The following HS6ST3 variants were observed in gnomAD, a reference collection of about 807,000 sequenced individuals.
HS6ST3 encodes the protein heparan-sulfate 6-O-sulfotransferase 3.
HS6ST3 carries 12 observed loss-of-function variants against 36.7 expected under a neutral mutation model. The observed-to-expected ratio is 0.33, with a 90% CI of 0.21 to 0.53. The LOEUF is 0.53. Among genes scored for constraint, HS6ST3 ranks in the 20% least tolerant of loss-of-function variants. HS6ST3 has a pLI of 0.95. For synonymous variants in HS6ST3, 240 were observed against 257.5 expected, an observed-to-expected ratio of 0.93 and a Z score of 0.65; for missense variants, 584 against 640.9, an observed-to-expected ratio of 0.91 and a Z score of 0.96.
chr13:96,126,653 C>T (rs2139309227), intron 1 of HS6ST3, among the ~76,000 whole-genome samples: 1 of 152,270 alleles, frequency 6.6e-6, no homozygotes, highest in East Asian at 1.9e-4. Flanking sequence ...TATTTGGGAA[C>T]AGGATGTTGG....
intron 1 of HS6ST3, among the ~76,000 whole-genome samples, chr13:96,269,525 T>C (rs1478173694): frequency 6.6e-6 from 1 of 151,960 alleles, no homozygotes. Context: ...AAACGTGCAC[T>C]TCTGCCTGTT....
intron 1 of HS6ST3, among the ~76,000 whole-genome samples, chr13:96,270,675 C>A (rs937644780): frequency 2.0e-5 from 3 of 151,736 alleles, no homozygotes; most frequent in Non-Finnish European, 1.5e-5. Context: ...TGGTCCCTGT[C>A]CTCAACAAAA....
intron 1 of HS6ST3, among the ~76,000 whole-genome samples, chr13:96,600,359 C>CACACATAT (rs1491444389): frequency 1.9e-3 from 230 of 120,302 alleles, no homozygotes; most frequent in African/African-American, 6.5e-3. Context: ...CACACACACA[C>CACACATAT]ATATATATAT....
At chr13:96,762,311 C>T (rs948740605) in intron 1 of HS6ST3, among the ~76,000 whole-genome samples, 1 of 152,074 alleles carries the variant, frequency 6.6e-6, no homozygotes, top group African/African-American at 2.4e-5. Flanking sequence ...AACCCCATCT[C>T]TACTAAAAAT....
chr13:96,689,852 C>T (rs1404359187), intron 1 of HS6ST3, among the ~76,000 whole-genome samples: 1 of 151,390 alleles, frequency 6.6e-6, no homozygotes, highest in Admixed American at 6.6e-5. Context: ...TTATACTATG[C>T]AGTATCCAGT....
chr13:96,421,688 T>G (rs1716616405), intron 1 of HS6ST3, among the ~76,000 whole-genome samples: 1 of 152,152 alleles, frequency 6.6e-6, no homozygotes. Flanking sequence ...CTAGTAAAGG[T>G]GTTCCTAACT....
intron 1 of HS6ST3, among the ~76,000 whole-genome samples, chr13:96,505,014 A>T (rs1490812523): frequency 6.6e-6 from 1 of 152,158 alleles, no homozygotes; most frequent in Non-Finnish European, 1.5e-5. Context: ...TGTGTTACAC[A>T]CTCAAGTGCT....
At chr13:96,580,313 T>C (rs1485381182) in intron 1 of HS6ST3, among the ~76,000 whole-genome samples, 1 of 151,190 alleles carries the variant, frequency 6.6e-6, no homozygotes, top group Non-Finnish European at 1.5e-5. Context: ...TGTATAACAT[T>C]ATCATTTTCA....
intron 1 of HS6ST3, among the ~76,000 whole-genome samples, chr13:96,363,657 C>G (rs1295172040): frequency 1.3e-5 from 2 of 151,978 alleles, no homozygotes; most frequent in Non-Finnish European, 2.9e-5. Flanking sequence ...TCTTTTTAGA[C>G]CATCACCACA....
intron 1 of HS6ST3, among the ~76,000 whole-genome samples, chr13:96,178,020 A>G (rs2054220730): frequency 6.6e-6 from 1 of 152,082 alleles, no homozygotes; most frequent in Admixed American, 6.6e-5. Context: ...TTATCATTGC[A>G]AAGGGGAGGC....
intron 1 of HS6ST3, among the ~76,000 whole-genome samples, chr13:96,414,777 C>T (rs1270879320): frequency 6.6e-6 from 1 of 152,182 alleles, no homozygotes; most frequent in Non-Finnish European, 1.5e-5. Context: ...CCACCACTAC[C>T]AGCCTTGATT....
At chr13:96,559,950 C>T (rs1001499442) in intron 1 of HS6ST3, among the ~76,000 whole-genome samples, 4 of 152,074 alleles carry the variant, frequency 2.6e-5, no homozygotes, top group African/African-American at 7.2e-5. Context: ...TTACCTATGA[C>T]CATTCATACA....
chr13:96,635,742 G>C (rs907743749), intron 1 of HS6ST3, among the ~76,000 whole-genome samples: 18 of 152,126 alleles, frequency 1.2e-4, no homozygotes, highest in African/African-American at 4.1e-4. Flanking sequence ...AATGTTTCTT[G>C]ACCTGAACTG....
chr13:96,816,013 T>C (rs1448608715), intron 1 of HS6ST3, among the ~76,000 whole-genome samples: 1 of 152,142 alleles, frequency 6.6e-6, no homozygotes, highest in African/African-American at 2.4e-5. Flanking sequence ...GGTCCTTGTC[T>C]GTACATACTA....
At position 96,707,547 on chromosome 13, in the gene HS6ST3, T is replaced by C. The variant is rs74416640; in HGVS notation, c.708-124943T>C. Among the ~76,000 whole-genome samples the C allele has an allele frequency of 2.6e-3, 392 of 152,310 alleles. 2 individuals carry two copies. Among genetic ancestry groups the C allele is most frequent in the African/African-American group, 9.0e-3 (376 of 41,560 alleles). On this transcript the variant is annotated intron_variant, in intron 1 of 1. Transcript: ENST00000376705. ...GCCCATCAATCTGAATTTTAAAGCC[T>C]ACCCATTTCATTGTGATACATTTAG...
chr13:96,136,670 G>A (rs1328106850), intron 1 of HS6ST3, among the ~76,000 whole-genome samples: 1 of 134,038 alleles, frequency 7.5e-6, no homozygotes, highest in Non-Finnish European at 1.6e-5. Context: ...TATACAGCAT[G>A]ATGTTATGAA....
intron 1 of HS6ST3, among the ~76,000 whole-genome samples, chr13:96,775,157 T>A (rs1877356695): frequency 6.6e-6 from 1 of 152,044 alleles, no homozygotes; most frequent in South Asian, 2.1e-4. Context: ...CTACCAGGCA[T>A]GCCTTATAAG....
At chr13:96,827,854 C>CA (rs1470910053) in intron 1 of HS6ST3, among the ~76,000 whole-genome samples, 5 of 152,178 alleles carry the variant, frequency 3.3e-5, no homozygotes. Flanking sequence ...AATGATGGTA[C>CA]TGGAAGGTCC....
intron 1 of HS6ST3, among the ~76,000 whole-genome samples, chr13:96,792,774 A>G (rs1223577382): frequency 2.0e-5 from 3 of 152,028 alleles, no homozygotes; most frequent in African/African-American, 7.2e-5. Context: ...AGATTTTGCA[A>G]TGTGGCAGCC....
Sources: gnomAD v4.1 joint callset for allele counts (sites outside exome capture counted in the v4.1 genomes callset) on GRCh38, gnomAD v4.1.1 for gene constraint, MANE v1.5 for transcripts, NCBI Gene and HGNC (gene_info 2026-07-23, HGNC 2026-07-21) for gene names.